The following ZFAT variants were observed in gnomAD, a reference collection of about 807,000 sequenced individuals.
ZFAT encodes the protein zinc finger protein ZFAT.
In ZFAT, 64 loss-of-function variants were observed where a neutral mutation model predicts 117.7. The observed-to-expected ratio is 0.54, with a 90% CI of 0.44 to 0.67. The LOEUF (loss-of-function observed/expected upper bound fraction) is 0.67. Among genes scored for constraint, ZFAT ranks in the 30% least tolerant of loss-of-function variants. The pLI, the probability that ZFAT is intolerant of heterozygous loss-of-function variation, is 0.00. For missense variants in ZFAT, 1,433 were observed against 1,584.5 expected, an observed-to-expected ratio of 0.90 and a Z score of 1.62; for synonymous variants, 679 against 615.0, an observed-to-expected ratio of 1.10 and a Z score of -1.54.
chr8:134,808,453 A>G, the ZFAT span, among the ~76,000 whole-genome samples: 3 of 152,200 alleles, frequency 2.0e-5, no homozygotes, highest in African/African-American at 7.2e-5. Flanking sequence ...TCAGTGGGAA[A>G]AATACCAAAT....
intron 10 of ZFAT, among the ~76,000 whole-genome samples, chr8:134,578,481 G>A (rs1825480722): frequency 6.6e-6 from 1 of 151,534 alleles, no homozygotes; most frequent in Non-Finnish European, 1.5e-5. Context: ...GAGAGTAGGA[G>A]AAGACATCAG....
At chr8:134,667,184 C>G (rs955006003) in intron 1 of ZFAT, among the ~76,000 whole-genome samples, 9 of 152,030 alleles carry the variant, frequency 5.9e-5, no homozygotes. Flanking sequence ...AGGTAATGCA[C>G]GCAGGGTTTA....
chr8:134,601,676 G>T lies in ZFAT; in HGVS notation c.2043C>A (p.Ala681=), dbSNP rs1245903699. The change falls in exon 6 of 16, where the codon GCC becomes GCA. Residue 681 remains alanine (A), a synonymous_variant. Coordinates refer to ENST00000377838, the MANE Select transcript of ZFAT (RefSeq NM_020863.4). ...CAGCTACTGGAGGGAGGAGGTCTGA[G>T]GCCTCAGCTGGGTTTGACCTGAGAC... The part of the protein sequence containing the change: ...SRCLRSNPAE[A]SDLLPPVAGG... 8 of 1,613,976 alleles carry T rather than the reference G, an allele frequency of 5.0e-6. No individual in the cohort carries two copies. Among genetic ancestry groups the T allele is most frequent in the Non-Finnish European group, 6.8e-6 (8 of 1,179,992 alleles).
intron 2 of ZFAT, among the ~76,000 whole-genome samples, chr8:134,656,623 T>C (rs1202913105): frequency 6.6e-6 from 1 of 152,230 alleles, no homozygotes; most frequent in Non-Finnish European, 1.5e-5. Flanking sequence ...GTTAATGGTG[T>C]CCGACAGATG....
At chr8:134,764,505 T>C in the ZFAT span, among the ~76,000 whole-genome samples, 5 of 152,342 alleles carry the variant, frequency 3.3e-5, no homozygotes, top group Admixed American at 6.5e-5. Context: ...ACAGTAAATA[T>C]AGGTTCCATG....
chr8:134,561,485 C>A lies in ZFAT; in HGVS notation c.2976+3848G>T, dbSNP rs531835813. ...GACCTCAACCATGTCTAAATAATAT[C>A]AAAAAAATTCCATATGGAAAGGAAT... is the stretch of plus-strand genomic sequence containing the variant. On this transcript the variant is annotated intron_variant, in intron 11 of 15. Transcript: ENST00000377838. Among the ~76,000 whole-genome samples, 3 of 152,120 alleles carry A rather than the reference C, an allele frequency of 2.0e-5. No individual in the cohort carries two copies. The South Asian group carries it at 6.2e-4, about 32-fold the overall frequency.
In ZFAT at chr8:134,609,540, G is replaced by A. The variant is rs117839322; in HGVS notation, c.635-661C>T. On this transcript the variant is annotated intron_variant, in intron 4 of 15. Transcript: ENST00000377838. ...ACCGATCACCTTGGTCTGCAGTGAC[G>A]TACAGAAGGAGAATTTATTCAGATT... Among the ~76,000 whole-genome samples the A allele has an allele frequency of 9.7e-3, 1,472 of 152,228 alleles. 11 individuals are homozygous for A. Among genetic ancestry groups the A allele is most frequent in the Non-Finnish European group, 0.014 (984 of 68,016 alleles).
the ZFAT span, among the ~76,000 whole-genome samples, chr8:134,756,947 C>T: frequency 1.3e-5 from 2 of 150,982 alleles, no homozygotes; most frequent in African/African-American, 2.4e-5. Context: ...GGGTTGAGTA[C>T]GGCCTCAATT....
chr8:134,805,209 C>T, the ZFAT span, among the ~76,000 whole-genome samples: 2 of 151,934 alleles, frequency 1.3e-5, no homozygotes, highest in African/African-American at 2.4e-5. Flanking sequence ...ACCCTGATAT[C>T]CTACATGAGG....
chr8:134,675,612 A>C (rs1832761106), intron 1 of ZFAT, among the ~76,000 whole-genome samples: 1 of 152,202 alleles, frequency 6.6e-6, no homozygotes, highest in African/African-American at 2.4e-5. Context: ...GAACACCCTA[A>C]GAATATTCCT....
chr8:134,760,286 A>C, the ZFAT span, among the ~76,000 whole-genome samples: 6 of 121,778 alleles, frequency 4.9e-5, no homozygotes, highest in South Asian at 1.0e-3. Context: ...AAAAAAAAAA[A>C]AACAAACAAA....
intron 11 of ZFAT, among the ~76,000 whole-genome samples, chr8:134,550,732 A>C (rs546025398): frequency 6.6e-6 from 1 of 152,344 alleles, no homozygotes; most frequent in South Asian, 2.1e-4. Flanking sequence ...AAATAGAATG[A>C]AGCTGAAGAT....
intron 4 of ZFAT, among the ~76,000 whole-genome samples, 169 bp from the exon 5 acceptor site, chr8:134,609,048 TGAGTGTGTGC>T (rs1169661181): frequency 2.0e-5 from 3 of 152,144 alleles, no homozygotes; most frequent in African/African-American, 7.2e-5. Flanking sequence ...TGAGTGTGTG[TGAGTGTGTGC>T]ATGTGTTTGA....
intron 15 of ZFAT, among the ~76,000 whole-genome samples, chr8:134,499,226 C>G (rs1702441737): frequency 7.9e-6 from 1 of 127,232 alleles, no homozygotes; most frequent in African/African-American, 3.0e-5. Flanking sequence ...CTGGGATGCC[C>G]CCGTTGCTGG....
At chr8:134,828,398 CAAAAT>C in the ZFAT span, among the ~76,000 whole-genome samples, 1 of 152,146 alleles carries the variant, frequency 6.6e-6, no homozygotes, top group Non-Finnish European at 1.5e-5. Flanking sequence ...AAAAACAAAA[CAAAAT>C]ACTATTAAGC....
intron 1 of ZFAT, among the ~76,000 whole-genome samples, chr8:134,661,480 A>G (rs1831927125): frequency 6.6e-6 from 1 of 152,200 alleles, no homozygotes; most frequent in Non-Finnish European, 1.5e-5. Flanking sequence ...GGATTCTGCA[A>G]TGGCCCCATC....
intron 1 of ZFAT, among the ~76,000 whole-genome samples, chr8:134,681,728 G>A (rs144318604): frequency 1.3e-5 from 2 of 152,168 alleles, no homozygotes; most frequent in Non-Finnish European, 2.9e-5. Context: ...ATGAGGAGAG[G>A]AGTAGGGTGG....
chr8:134,500,146 C>A (rs768523297), intron 15 of ZFAT, among the ~76,000 whole-genome samples: 2 of 152,208 alleles, frequency 1.3e-5, no homozygotes, highest in Non-Finnish European at 2.9e-5. Flanking sequence ...ACCAAGTGAT[C>A]TCAGCCAGCA....
intron 1 of ZFAT, among the ~76,000 whole-genome samples, chr8:134,665,670 T>G (rs1832178374): frequency 6.6e-6 from 1 of 151,884 alleles, no homozygotes; most frequent in Non-Finnish European, 1.5e-5. Flanking sequence ...GAGCATTCCC[T>G]CTGAGAGTCA....
Sources: gnomAD v4.1 joint callset for allele counts (sites outside exome capture counted in the v4.1 genomes callset) on GRCh38, gnomAD v4.1.1 for gene constraint, MANE v1.5 for transcripts, NCBI Gene and HGNC (gene_info 2026-07-23, HGNC 2026-07-21) for gene names.